The following INTS13 variants were observed in gnomAD, a reference collection of about 807,000 sequenced individuals.
INTS13 encodes asunder, spermatogenesis regulator homolog (Drosphila).
INTS13 carries 35 observed loss-of-function variants against 90.2 expected under a neutral mutation model. That is an observed-to-expected ratio of 0.39 (90% CI 0.30 to 0.51). INTS13 has a LOEUF of 0.51. Ranked by LOEUF, INTS13 falls within the 20% of genes least tolerant of loss-of-function variation. The pLI, the probability that INTS13 is intolerant of heterozygous loss-of-function variation, is 0.80. For synonymous variants in INTS13, 309 were observed against 277.1 expected, an observed-to-expected ratio of 1.11 and a Z score of -1.14; for missense variants, 601 against 851.2, an observed-to-expected ratio of 0.71 and a Z score of 3.66.
At chr12:26,910,799 A>G (rs148196737) in intron 15 of INTS13, among the ~76,000 whole-genome samples, 3 of 152,320 alleles carry the variant, frequency 2.0e-5, no homozygotes, top group Non-Finnish European at 4.4e-5. Flanking sequence ...ATACACAACA[A>G]TATTAAATAA....
chr12:26,921,766 C>A (rs1406557255), intron 8 of INTS13, among the ~76,000 whole-genome samples: 1 of 152,168 alleles, frequency 6.6e-6, no homozygotes, highest in Non-Finnish European at 1.5e-5. Flanking sequence ...AGAGATTCTC[C>A]TGCTTGAGCC....
At chr12:26,929,504 C>T (rs1280139358) in intron 3 of INTS13, among the ~76,000 whole-genome samples, 2 of 151,094 alleles carry the variant, frequency 1.3e-5, no homozygotes, top group African/African-American at 2.4e-5. Flanking sequence ...GACAATTGCT[C>T]GAGGCCAAGA....
chr12:26,929,186 A>G (rs1938053363), intron 3 of INTS13: 2 of 264,650 alleles, frequency 7.6e-6, no homozygotes, highest in South Asian at 1.3e-4. Flanking sequence ...CTCAATAAAC[A>G]CAGAAACAGC....
chr12:26,934,797 G>A (rs1185735095), intron 2 of INTS13, among the ~76,000 whole-genome samples, 167 bp from the exon 3 acceptor site: 1 of 152,182 alleles, frequency 6.6e-6, no homozygotes, highest in Non-Finnish European at 1.5e-5. Flanking sequence ...CTGGCACTGA[G>A]TACATGGGAA....
intron 7 of INTS13, 97 bp from the exon 8 acceptor site, chr12:26,922,797 C>A: frequency 1.6e-6 from 1 of 627,862 alleles, no homozygotes; most frequent in African/African-American, 1.9e-5. Context: ...AAAATGAGGG[C>A]AAATACATTC....
At chr12:26,925,936 A>G in intron 5 of INTS13, 85 bp from the exon 6 acceptor site, 4 of 898,420 alleles carry the variant, frequency 4.5e-6, no homozygotes, top group Non-Finnish European at 3.5e-6. Context: ...ACCTTAACAT[A>G]TTAAAACATC....
At chr12:26,913,196 C>A (rs1951837177) in intron 14 of INTS13, among the ~76,000 whole-genome samples, 1 of 152,102 alleles carries the variant, frequency 6.6e-6, no homozygotes, top group South Asian at 2.1e-4. Context: ...CATACTGATA[C>A]CAAACATCAT....
chr12:26,932,780 CAG>C (rs1938267094), intron 3 of INTS13, among the ~76,000 whole-genome samples: 1 of 152,184 alleles, frequency 6.6e-6, no homozygotes, highest in African/African-American at 2.4e-5. Flanking sequence ...AGAACAGTCC[CAG>C]AGAGACCATC....
Position 26,905,233 on chromosome 12 carries a change from A to AT in INTS13, c.*263dup. ...TTATTTCGCAAAGAGAAGCCTAAGA[A>AT]TTTTTTTAAAAACATTTCCAGAGAG... is the stretch of plus-strand genomic sequence containing the variant. On this transcript the variant is annotated 3_prime_UTR_variant, in exon 17 of 17. Coordinates refer to ENST00000261191, the MANE Select transcript of INTS13 (RefSeq NM_018164.3). 1 of 329,866 alleles carries AT rather than the reference A, an allele frequency of 3.0e-6. No homozygotes were observed. The highest frequency in any genetic ancestry group is 2.1e-5 in the African/African-American group (1 of 46,748). 20.4% of individuals were successfully genotyped at this position (329,866 alleles called of 1,614,324 possible).
At chr12:26,917,840 G>T (rs1951985649) in intron 8 of INTS13, 107 bp from the exon 9 acceptor site, 2 of 806,080 alleles carry the variant, frequency 2.5e-6, no homozygotes, top group Non-Finnish European at 3.9e-6. Flanking sequence ...AATAATAAAA[G>T]CGGCCGGGTG....
chr12:26,924,239 C>T, intron 7 of INTS13, 116 bp downstream of exon 7: 2 of 1,115,270 alleles, frequency 1.8e-6, no homozygotes, highest in Non-Finnish European at 2.5e-6. Flanking sequence ...GTGATCCTCC[C>T]ATCTCAGCCT....
chr12:26,917,839 A>AAAAAAAAAAAC, intron 8 of INTS13, 106 bp from the exon 9 acceptor site: 1 of 497,878 alleles, frequency 2.0e-6, no homozygotes, highest in African/African-American at 2.0e-5. Flanking sequence ...AAATAATAAA[A>AAAAAAAAAAAC]GCGGCCGGGT....
At chr12:26,931,617 G>C (rs1287903019) in intron 3 of INTS13, among the ~76,000 whole-genome samples, 1 of 152,084 alleles carries the variant, frequency 6.6e-6, no homozygotes, top group African/African-American at 2.4e-5. Flanking sequence ...ATTCATCAGG[G>C]AAGGACCTTG....
rs1207364111 is a variant in INTS13 at position 26,908,537 on chromosome 12, G to T, written c.1946-2100C>A. 7.7e-5 allele frequency among the ~76,000 whole-genome samples: 11 copies of T among 143,662 alleles called. No homozygotes were observed. In the South Asian group the frequency reaches 1.3e-3, roughly 17 times the overall value. The allele number at this position is 143,662 out of a possible 152,430, so 94.2% of individuals were successfully genotyped here. ...TCTATATCAACAAATGGTTATTTTGGTTTTTTTTTTTTGTTACTGCATCAT... is the reference window on the plus strand; with the variant it reads ...TCTATATCAACAAATGGTTATTTTGTTTTTTTTTTTTTGTTACTGCATCAT... On this transcript the variant is annotated intron_variant, in intron 15 of 16. Transcript: ENST00000261191.
Position 26,911,286 on chromosome 12 carries a change from C to T in INTS13, c.1837G>A (p.Glu613Lys). 6.2e-7 allele frequency: 1 copy of T among 1,613,442 alleles called. No individual in the cohort carries two copies. The highest frequency in any genetic ancestry group is 8.5e-7 in the Non-Finnish European group (1 of 1,179,712). ...TTTATAATCTCAGCTTCAGCCAATT[C>T]TTCTTTTCCACGCTCTAAGATTCCT... Reference protein sequence around the residue: ...LKGILERGKEELAEAEIIKDS... With the variant: ...LKGILERGKEKLAEAEIIKDS... The change falls in exon 15 of 17, where the codon GAA becomes AAA. Residue 613 changes from glutamate (E) to lysine (K), a missense_variant. Physicochemically the swap from Glu to Lys is moderately conservative, Grantham distance 56 (BLOSUM62 1). This residue lies in a region of INTS13 where 228 missense variants were observed against 272.5 expected (regional missense o/e 0.84). Transcript: ENST00000261191.
At chr12:26,926,870 A>G (rs992715549) in intron 5 of INTS13, among the ~76,000 whole-genome samples, 2 of 152,222 alleles carry the variant, frequency 1.3e-5, no homozygotes, top group African/African-American at 2.4e-5. Flanking sequence ...AAGAACAAGC[A>G]ATGATTAGAA....
chr12:26,925,403 T>C (rs1487254914), intron 6 of INTS13, among the ~76,000 whole-genome samples: 1 of 152,138 alleles, frequency 6.6e-6, no homozygotes, highest in Non-Finnish European at 1.5e-5. Context: ...ATTAATTTTT[T>C]ATTGGAATAT....
At chr12:26,912,304 G>A (rs1482752468) in intron 14 of INTS13, among the ~76,000 whole-genome samples, 2 of 152,050 alleles carry the variant, frequency 1.3e-5, no homozygotes, top group Non-Finnish European at 2.9e-5. Flanking sequence ...AGGCATGGTG[G>A]CACATACCTA....
Position 26,913,954 on chromosome 12 carries a change from A to T in INTS13, c.1574+20T>A, listed in dbSNP as rs1951862329. 6.3e-7 allele frequency: 1 copy of T among 1,590,154 alleles called. No individual in the cohort carries two copies. The highest frequency in any genetic ancestry group is 8.5e-7 in the Non-Finnish European group (1 of 1,172,604). On this transcript the variant is annotated intron_variant, in intron 13 of 16. Coordinates refer to ENST00000261191, the MANE Select transcript of INTS13 (RefSeq NM_018164.3). ...TCAAGTAAATGTGATCTATAAAGTA[A>T]GAAAGAAAAAAAAATGTACCTTTTA... is the stretch of plus-strand genomic sequence containing the variant.
Sources: allele counts gnomAD v4.1 joint callset (sites outside exome capture counted in the v4.1 genomes callset), GRCh38; gene constraint gnomAD v4.1.1; regional missense constraint gnomAD v4.1.1; transcripts MANE v1.5; gene names NCBI Gene and HGNC (gene_info 2026-07-23, HGNC 2026-07-21).